The following ELP4 variants were observed in gnomAD, a reference collection of about 807,000 sequenced individuals.
The protein encoded by ELP4 is elongator complex protein 4.
A neutral mutation model predicts 48.9 loss-of-function variants in ELP4; 51 were observed. The ratio of observed to expected loss-of-function variants is 1.04; its 90% CI spans 0.83 to 1.32. The LOEUF (loss-of-function observed/expected upper bound fraction) is 1.32, where lower values mean the gene tolerates loss of function less well. ELP4 is among the 40% of genes most tolerant of loss of function. ELP4 has a pLI of 0.00. For missense variants in ELP4, 519 were observed against 514.6 expected (o/e 1.01, Z -0.08); for synonymous variants, 210 against 189.2 (o/e 1.11, Z -0.90).
intron 9 of ELP4, among the ~76,000 whole-genome samples, chr11:31,689,725 G>T (rs761306196): frequency 1.3e-4 from 20 of 152,150 alleles, no homozygotes; most frequent in Non-Finnish European, 2.6e-4. Flanking sequence ...TAGTTCAACA[G>T]CCTGAATTTG....
chr11:31,510,587 T>G, intron 1 of ELP4: 2 of 393,740 alleles, frequency 5.1e-6, no homozygotes, highest in Non-Finnish European at 8.9e-6. Flanking sequence ...GTCGTTGATA[T>G]TTAGATAGTG....
chr11:31,546,930 A>C (rs1207734447), intron 3 of ELP4, among the ~76,000 whole-genome samples: 2 of 152,340 alleles, frequency 1.3e-5, no homozygotes, highest in Middle Eastern at 3.4e-3. Flanking sequence ...ATGTTCTTTG[A>C]AACCAACGAG....
intron 9 of ELP4, chr11:31,663,658 G>A (rs894012457): frequency 1.4e-4 from 22 of 151,878 alleles, no homozygotes; most frequent in Admixed American, 1.2e-3. Context: ...GTTTAAGCGG[G>A]TGCTATGAAG....
chr11:31,613,620 A>C (rs964367048), intron 5 of ELP4, among the ~76,000 whole-genome samples: 2 of 151,796 alleles, frequency 1.3e-5, no homozygotes, highest in Non-Finnish European at 2.9e-5. Context: ...AACTGTTAAC[A>C]ATATTTGCCT....
At chr11:31,738,609 G>A (rs1345545367) in intron 9 of ELP4, among the ~76,000 whole-genome samples, 2 of 151,822 alleles carry the variant, frequency 1.3e-5, no homozygotes, top group African/African-American at 2.4e-5. Context: ...GGTGGAATGC[G>A]CCTATAGTCT....
At chr11:31,545,355 G>A (rs926650246) in intron 3 of ELP4, among the ~76,000 whole-genome samples, 23 of 152,160 alleles carry the variant, frequency 1.5e-4, no homozygotes, top group African/African-American at 2.9e-4. Flanking sequence ...CTCAGTAGCC[G>A]ATGCGATCAA....
chr11:31,715,505 G>A (rs1946826867), intron 9 of ELP4, among the ~76,000 whole-genome samples: 1 of 152,158 alleles, frequency 6.6e-6, no homozygotes, highest in African/African-American at 2.4e-5. Context: ...GTTACAGCAC[G>A]CTAAATTGTG....
At chr11:31,557,483 CCTAT>C (rs1217801883) in intron 3 of ELP4, among the ~76,000 whole-genome samples, 1 of 151,896 alleles carries the variant, frequency 6.6e-6, no homozygotes, top group African/African-American at 2.4e-5. Context: ...GTTTTTGGCA[CCTAT>C]CTGTTATTCA....
At chr11:31,739,983 C>T (rs1434776840) in intron 9 of ELP4, among the ~76,000 whole-genome samples, 1 of 152,216 alleles carries the variant, frequency 6.6e-6, no homozygotes, top group Non-Finnish European at 1.5e-5. Context: ...TCTCTAAATT[C>T]ATAGACATGC....
chr11:31,718,420 C>A (rs552646697), intron 9 of ELP4, among the ~76,000 whole-genome samples: 1 of 152,288 alleles, frequency 6.6e-6, no homozygotes, highest in Admixed American at 6.5e-5. Context: ...ATTAAACTAC[C>A]GCAAAACATA....
intron 9 of ELP4, among the ~76,000 whole-genome samples, chr11:31,744,490 A>G (rs1947532379): frequency 6.6e-6 from 1 of 152,244 alleles, no homozygotes; most frequent in Non-Finnish European, 1.5e-5. Flanking sequence ...AAAATCCTCA[A>G]TAAAATACTG....
At chr11:31,696,846 A>T (rs922088228) in intron 9 of ELP4, among the ~76,000 whole-genome samples, 6 of 152,154 alleles carry the variant, frequency 3.9e-5, no homozygotes, top group African/African-American at 1.2e-4. Flanking sequence ...AAATACTCCA[A>T]TTAAAAGACT....
At chr11:31,744,771 A>C (rs1337974298) in intron 9 of ELP4, among the ~76,000 whole-genome samples, 12 of 151,992 alleles carry the variant, frequency 7.9e-5, no homozygotes, top group Non-Finnish European at 1.6e-4. Flanking sequence ...TGACAAACCC[A>C]CAGCCAATAT....
Position 31,788,550 on chromosome 11 carries a change from T to C in ELP4, c.*5026T>C. On this transcript the variant is annotated 3_prime_UTR_variant, in exon 10 of 10. Coordinates refer to ENST00000640961, the MANE Select transcript of ELP4 (RefSeq NM_019040.5). ...TACTTTTGAATATACTTCAGTGAAA[T>C]CATTGTTGAAATAGGCTGACAATGG... 4.5e-6 allele frequency: 1 copy of C among 222,480 alleles called. No homozygotes were observed. The highest frequency in any genetic ancestry group is 6.6e-5 in the East Asian group (1 of 15,188). 13.8% of individuals were successfully genotyped at this position (222,480 alleles called of 1,614,324 possible).
chr11:31,549,032 C>T (rs900904703), intron 3 of ELP4, among the ~76,000 whole-genome samples: 1 of 151,986 alleles, frequency 6.6e-6, no homozygotes, highest in Non-Finnish European at 1.5e-5. Context: ...CCATAAAAAC[C>T]CTAGAAGAAA....
intron 3 of ELP4, among the ~76,000 whole-genome samples, chr11:31,557,426 A>C (rs774631185): frequency 2.6e-5 from 4 of 151,996 alleles, no homozygotes; most frequent in Non-Finnish European, 4.4e-5. Flanking sequence ...TATTATTATA[A>C]AGTTTTCTTT....
At chr11:31,776,883 C>A (rs1242883839) in intron 9 of ELP4, among the ~76,000 whole-genome samples, 2 of 152,128 alleles carry the variant, frequency 1.3e-5, no homozygotes, top group Admixed American at 6.5e-5. Context: ...AAAAGTTAAA[C>A]CTAAAACCTA....
At chr11:31,703,805 A>AG (rs2134160678) in intron 9 of ELP4, among the ~76,000 whole-genome samples, 1 of 152,334 alleles carries the variant, frequency 6.6e-6, no homozygotes, top group South Asian at 2.1e-4. Flanking sequence ...TTTATCTTCT[A>AG]GTTAATATGC....
At chr11:31,727,797 G>A (rs1209250249) in intron 9 of ELP4, 1 of 152,152 alleles carries the variant, frequency 6.6e-6, no homozygotes, top group Admixed American at 6.5e-5. Flanking sequence ...CACAGCCATA[G>A]GACAGGTTGA....
Sources: gnomAD v4.1 joint callset for allele counts (sites outside exome capture counted in the v4.1 genomes callset) on GRCh38, gnomAD v4.1.1 for gene constraint, MANE v1.5 for transcripts, NCBI Gene and HGNC (gene_info 2026-07-23, HGNC 2026-07-21) for gene names.